The following GRM5 variants were observed in gnomAD, a reference collection of about 807,000 sequenced individuals.
GRM5 encodes glutamate metabotropic receptor 5, also known as metabotropic glutamate receptor 5.
In GRM5, 19 loss-of-function variants were observed where a neutral mutation model predicts 83.1. The observed-to-expected ratio is 0.23, with a 90% CI of 0.16 to 0.34. The LOEUF (loss-of-function observed/expected upper bound fraction) is 0.34, where lower values mean the gene tolerates loss of function less well. GRM5 is among the 10% of genes least tolerant of loss of function. The probability of loss-of-function intolerance (pLI) is 1.00; values close to 1 mark genes in which losing one functional copy is unlikely to be tolerated. For synonymous variants in GRM5, 675 were observed against 633.6 expected (o/e 1.07, Z -0.98); for missense variants, 1,160 against 1,588.3 (o/e 0.73, Z 4.58).
intron 1 of GRM5, among the ~76,000 whole-genome samples, chr11:89,051,086 G>A (rs1203299275): frequency 3.3e-5 from 5 of 151,792 alleles, no homozygotes; most frequent in African/African-American, 1.2e-4. Flanking sequence ...ATGTGCCCCT[G>A]AATTTTTAAT....
intron 3 of GRM5, among the ~76,000 whole-genome samples, chr11:88,755,607 A>G (rs895469203): frequency 2.6e-5 from 4 of 152,170 alleles, no homozygotes; most frequent in Non-Finnish European, 5.9e-5. Context: ...AAACATAATT[A>G]AAATAATTTA....
chr11:89,035,179 T>C (rs551238811), intron 2 of GRM5, among the ~76,000 whole-genome samples: 1 of 151,828 alleles, frequency 6.6e-6, no homozygotes, highest in Non-Finnish European at 1.5e-5. Flanking sequence ...TCCTGTTTTA[T>C]GAAATCATTT....
chr11:88,812,207 C>T (rs974975201), intron 3 of GRM5, among the ~76,000 whole-genome samples: 2 of 152,164 alleles, frequency 1.3e-5, no homozygotes, highest in South Asian at 4.1e-4. Flanking sequence ...GAGAAATTGT[C>T]CCAATATTCA....
At chr11:88,706,480 C>A (rs1161390054) in intron 3 of GRM5, among the ~76,000 whole-genome samples, 6 of 152,070 alleles carry the variant, frequency 3.9e-5, no homozygotes, top group African/African-American at 1.2e-4. Context: ...TACTATCCTC[C>A]ACCACATTGA....
intron 8 of GRM5, among the ~76,000 whole-genome samples, chr11:88,552,033 C>CT (rs5793334): frequency 0.12 from 18,140 of 145,786 alleles, 2,130 homozygotes; most frequent in African/African-American, 0.29. Flanking sequence ...AATGTCACAT[C>CT]TTTTTTTTTT....
chr11:88,517,460 T>C (rs1941553163), intron 9 of GRM5, among the ~76,000 whole-genome samples: 1 of 152,064 alleles, frequency 6.6e-6, no homozygotes, highest in South Asian at 2.1e-4. Flanking sequence ...ATAAATAACA[T>C]TTGTGTTGAA....
chr11:88,784,083 T>C (rs1481486221), intron 3 of GRM5, among the ~76,000 whole-genome samples: 4 of 152,184 alleles, frequency 2.6e-5, no homozygotes, highest in African/African-American at 9.6e-5. Flanking sequence ...TTTACCACTA[T>C]ACCACCATGG....
chr11:88,568,896 C>T (rs1440257345), intron 7 of GRM5, among the ~76,000 whole-genome samples: 1 of 152,066 alleles, frequency 6.6e-6, no homozygotes, highest in South Asian at 2.1e-4. Flanking sequence ...AATTGGCAGG[C>T]AAGGGAAGTG....
At chr11:88,521,650 C>T (rs922941114) in intron 9 of GRM5, among the ~76,000 whole-genome samples, 3 of 152,184 alleles carry the variant, frequency 2.0e-5, no homozygotes, top group East Asian at 3.9e-4. Context: ...CTCTGAATCA[C>T]ACTTAGACTG....
intron 2 of GRM5, among the ~76,000 whole-genome samples, chr11:88,901,363 A>G (rs531359123): frequency 6.6e-6 from 1 of 152,306 alleles, no homozygotes; most frequent in Non-Finnish European, 1.5e-5. Flanking sequence ...CTCTTTTTAT[A>G]TTAGATAAAT....
chr11:88,824,379 A>G (rs77008330), intron 3 of GRM5, among the ~76,000 whole-genome samples: 3,871 of 152,206 alleles, frequency 0.025, 173 homozygotes, highest in African/African-American at 0.089. Context: ...TGGAATCGCT[A>G]TATGAATTGC....
intron 2 of GRM5, among the ~76,000 whole-genome samples, chr11:89,006,515 TA>T (rs895714450): frequency 6.6e-6 from 1 of 152,088 alleles, no homozygotes; most frequent in African/African-American, 2.4e-5. Flanking sequence ...CATCCCCACT[TA>T]AAAGCCCCCA....
At chr11:88,805,053 A>T (rs2135490918) in intron 3 of GRM5, among the ~76,000 whole-genome samples, 1 of 152,310 alleles carries the variant, frequency 6.6e-6, no homozygotes, top group South Asian at 2.1e-4. Flanking sequence ...TTTCCTGTAA[A>T]TGCATGTGTT....
At chr11:88,983,942 A>C (rs1414044967) in intron 2 of GRM5, among the ~76,000 whole-genome samples, 1 of 152,180 alleles carries the variant, frequency 6.6e-6, no homozygotes, top group African/African-American at 2.4e-5. Context: ...GTTAAAAAAT[A>C]AAAACTTTTA....
chr11:89,043,243 G>A (rs1168114156), intron 2 of GRM5, among the ~76,000 whole-genome samples: 5 of 152,136 alleles, frequency 3.3e-5, no homozygotes, highest in Non-Finnish European at 7.4e-5. Flanking sequence ...TAGGCCCTGT[G>A]GATATGCTGT....
At chr11:89,030,143 C>G (rs891873732) in intron 2 of GRM5, among the ~76,000 whole-genome samples, 1 of 151,984 alleles carries the variant, frequency 6.6e-6, no homozygotes, top group African/African-American at 2.4e-5. Flanking sequence ...AATTATGAAA[C>G]GTATTTTTTT....
At chr11:88,535,839 C>G (rs1282565079) in intron 8 of GRM5, among the ~76,000 whole-genome samples, 1 of 152,080 alleles carries the variant, frequency 6.6e-6, no homozygotes, top group African/African-American at 2.4e-5. Context: ...TTTAGTGTTA[C>G]TTAGATGTTT....
At chr11:88,732,438 G>A (rs1229979968) in intron 3 of GRM5, among the ~76,000 whole-genome samples, 3 of 152,018 alleles carry the variant, frequency 2.0e-5, no homozygotes, top group Non-Finnish European at 2.9e-5. Flanking sequence ...AGGAACTGAC[G>A]TTTGCTGAAC....
At chr11:88,975,585 C>A (rs1290554197) in intron 2 of GRM5, among the ~76,000 whole-genome samples, 1 of 152,104 alleles carries the variant, frequency 6.6e-6, no homozygotes, top group Non-Finnish European at 1.5e-5. Context: ...GCCCATGGGC[C>A]AGAAACATTG....
Sources: allele counts gnomAD v4.1 joint callset (sites outside exome capture counted in the v4.1 genomes callset), GRCh38; gene constraint gnomAD v4.1.1; transcripts MANE v1.5; gene names NCBI Gene and HGNC (gene_info 2026-07-23, HGNC 2026-07-21).